GNPDA2: variants seen among roughly 807,000 people sequenced by gnomAD.
The protein encoded by GNPDA2 is glucosamine-6-phosphate deaminase 2, also known as glcN6P deaminase 2.
Under a neutral mutation model 27.0 loss-of-function variants are expected in GNPDA2, and 24 were observed. That is an observed-to-expected ratio of 0.89 (90% CI 0.64 to 1.25). GNPDA2 has a LOEUF of 1.25. GNPDA2 is among the 50% of genes most tolerant of loss of function. The probability of loss-of-function intolerance (pLI) is 0.00; values close to 1 mark genes in which losing one functional copy is unlikely to be tolerated. For synonymous variants in GNPDA2, 94 were observed against 108.4 expected, an observed-to-expected ratio of 0.87 and a Z score of 0.83; for missense variants, 286 against 335.1, an observed-to-expected ratio of 0.85 and a Z score of 1.14.
Position 44,703,458 on chromosome 4 carries a change from T to C in GNPDA2, c.770-316A>G, listed in dbSNP as rs1259778580. The C allele has an allele frequency of 1.3e-5, 14 of 1,066,426 alleles. No homozygotes were observed. In the East Asian group the frequency reaches 8.4e-4, roughly 64 times the overall value. The allele number at this position is 1,066,426 out of a possible 1,614,324, so 66.1% of individuals were successfully genotyped here. A position where few individuals can be genotyped will look rare whatever the true frequency, so the allele number is the denominator to read the frequency against. ...CAAATTTGAATACTGACTTAGATAA[T>C]AGGTTTTAATTATATCTAAAAGTCT... On this transcript the variant is annotated intron_variant, in intron 6 of 6. Transcript: ENST00000295448.
chr4:44,702,360 G>GC lies in GNPDA2; in HGVS notation c.*720dup. 5 of 907,264 alleles carry GC rather than the reference G, an allele frequency of 5.5e-6. No individual in the cohort carries two copies. Among genetic ancestry groups the GC allele is most frequent in the Non-Finnish European group, 6.6e-6 (5 of 758,860 alleles). 56.2% of individuals were successfully genotyped at this position (907,264 alleles called of 1,614,324 possible). On this transcript the variant is annotated 3_prime_UTR_variant, in exon 7 of 7. Coordinates refer to ENST00000295448, the MANE Select transcript of GNPDA2 (RefSeq NM_138335.3). The stretch of plus-strand genomic sequence containing the variant: ...CCAAAAGAATTTCCTGAAGTGGCTT[G>GC]CTAGGTATAAAGCTCATAATTGTCA...
At position 44,702,853 on chromosome 4, in the gene GNPDA2, G is replaced by A. The variant is rs761529426; in HGVS notation, c.*228C>T. The A allele has an allele frequency of 1.4e-5, 19 of 1,372,120 alleles. No homozygotes were observed. Among genetic ancestry groups the A allele is most frequent in the Non-Finnish European group, 1.7e-5 (18 of 1,069,662 alleles). 85.0% of individuals were successfully genotyped at this position (1,372,120 alleles called of 1,614,324 possible). ...TTTTATAGGTGGCTATGTGACTTCA[G>A]TACTTTATAATAAATAGCCAGTCAA... On this transcript the variant is annotated 3_prime_UTR_variant, in exon 7 of 7. Transcript: ENST00000295448.
At chr4:44,707,245 A>G (rs1016915729) in intron 6 of GNPDA2, 1 of 153,552 alleles carries the variant, frequency 6.5e-6, no homozygotes, top group African/African-American at 2.4e-5. Context: ...TGCAGAGTTT[A>G]TTCCATACTA....
intron 2 of GNPDA2, among the ~76,000 whole-genome samples, chr4:44,721,341 G>T (rs1298772530): frequency 6.6e-6 from 1 of 152,118 alleles, no homozygotes; most frequent in East Asian, 1.9e-4. Context: ...AGCATCTTAA[G>T]TTATTATCCT....
intron 1 of GNPDA2, among the ~76,000 whole-genome samples, chr4:44,725,249 T>C (rs1034407393): frequency 3.3e-5 from 5 of 152,182 alleles, no homozygotes; most frequent in Non-Finnish European, 5.9e-5. Flanking sequence ...TCACTCTTCA[T>C]ATACAGAAAA....
intron 2 of GNPDA2, among the ~76,000 whole-genome samples, chr4:44,720,036 G>A (rs746689094): frequency 5.3e-5 from 8 of 152,006 alleles, no homozygotes; most frequent in Non-Finnish European, 8.8e-5. Context: ...ACAATCTTGC[G>A]AGTTGGAAGA....
chr4:44,705,482 C>T, intron 6 of GNPDA2: 2 of 985,124 alleles, frequency 2.0e-6, no homozygotes, highest in Non-Finnish European at 2.4e-6. Context: ...GCTATCCTCT[C>T]ACGAATGGTC....
chr4:44,721,511 G>A (rs559716302), intron 2 of GNPDA2, among the ~76,000 whole-genome samples: 13 of 152,106 alleles, frequency 8.5e-5, no homozygotes, highest in African/African-American at 2.9e-4. Context: ...CGTTTTTTAA[G>A]AGAATGCTTA....
At chr4:44,705,596 G>A (rs1716550041) in intron 6 of GNPDA2, 14 of 389,388 alleles carry the variant, frequency 3.6e-5, no homozygotes, top group Non-Finnish European at 4.9e-5. Context: ...AACATATGTC[G>A]ATATACCTTT....
intron 6 of GNPDA2, chr4:44,706,926 G>A (rs1716642804): frequency 6.6e-6 from 1 of 151,976 alleles, no homozygotes; most frequent in Admixed American, 6.6e-5. Context: ...GTGAATCACT[G>A]ACCTATCTAT....
intron 2 of GNPDA2, 72 bp from the exon 3 acceptor site, chr4:44,718,482 C>T (rs1333106414): frequency 2.2e-6 from 1 of 454,722 alleles, no homozygotes; most frequent in Non-Finnish European, 3.9e-6. Flanking sequence ...ATTAACTTTA[C>T]CTGTGTTTTT....
At position 44,721,184 on chromosome 4, in the gene GNPDA2, C is replaced by T. The variant is rs184422807; in HGVS notation, c.124+900G>A. Among the ~76,000 whole-genome samples, 124 of 152,122 alleles carry T rather than the reference C, an allele frequency of 8.2e-4. 1 individual carries two copies. The highest frequency in any genetic ancestry group is 1.4e-3 in the Non-Finnish European group (92 of 67,968). ...AAATTACTCAAGTGGGAAAAAATTA[C>T]AATTGTAGTTTTTATGTAATTACCA... On this transcript the variant is annotated intron_variant, in intron 2 of 6. Coordinates refer to ENST00000295448, the MANE Select transcript of GNPDA2 (RefSeq NM_138335.3).
intron 6 of GNPDA2, chr4:44,704,682 A>G: frequency 2.1e-6 from 2 of 954,926 alleles, no homozygotes; most frequent in Non-Finnish European, 2.5e-6. Context: ...TAAGTCAAAC[A>G]GAAATAATTC....
At position 44,722,086 on chromosome 4, in the gene GNPDA2, G is replaced by C; in HGVS notation, c.122C>G (p.Thr41Arg). Residue 41 changes from threonine to arginine, a missense_variant and splice_region_variant, in exon 2 of 7, where the codon ACA becomes AGA. Physicochemically the swap from Thr to Arg is moderately conservative, Grantham distance 71 (BLOSUM62 -1). Coordinates refer to ENST00000295448, the MANE Select transcript of GNPDA2 (RefSeq NM_138335.3). ...AAATGGAAAAAGTAGTTAATTACCTGTTGGTAAACCCAGTGTAAAATATCT... is the reference window on the plus strand; with the variant it reads ...AAATGGAAAAAGTAGTTAATTACCTCTTGGTAAACCCAGTGTAAAATATCT... ...QDRYFTLGLPTGSTPLGCYKK... is the reference protein window; with the variant it reads ...QDRYFTLGLPRGSTPLGCYKK... 1 of 1,603,268 alleles carries C rather than the reference G, an allele frequency of 6.2e-7. No individual in the cohort carries two copies. Among genetic ancestry groups the C allele is most frequent in the Non-Finnish European group, 8.5e-7 (1 of 1,173,084 alleles).
chr4:44,725,846 T>C (rs1255068063), intron 1 of GNPDA2, among the ~76,000 whole-genome samples: 1 of 152,146 alleles, frequency 6.6e-6, no homozygotes, highest in Non-Finnish European at 1.5e-5. Context: ...TGGATGTGCA[T>C]CGCTAGGAAA....
At chr4:44,721,448 G>A (rs576621330) in intron 2 of GNPDA2, among the ~76,000 whole-genome samples, 1 of 152,194 alleles carries the variant, frequency 6.6e-6, no homozygotes, top group South Asian at 2.1e-4. Flanking sequence ...CTAACACTCT[G>A]TGAAAATCAT....
intron 2 of GNPDA2, among the ~76,000 whole-genome samples, chr4:44,719,563 A>G (rs957904887): frequency 6.6e-6 from 1 of 152,080 alleles, no homozygotes. Flanking sequence ...TACGTTTCTC[A>G]ACAACTATAG....
chr4:44,705,260 A>G (rs1178756594), intron 6 of GNPDA2: 1 of 981,826 alleles, frequency 1.0e-6, no homozygotes, highest in Non-Finnish European at 1.2e-6. Flanking sequence ...TGAAAAGTAT[A>G]CAAACTACAT....
chr4:44,715,682 C>T, intron 4 of GNPDA2, among the ~76,000 whole-genome samples: 1 of 152,020 alleles, frequency 6.6e-6, no homozygotes, highest in Non-Finnish European at 1.5e-5. Context: ...CAGGAGTATG[C>T]AAATGTTCTC....
Sources: allele counts gnomAD v4.1 joint callset (sites outside exome capture counted in the v4.1 genomes callset), GRCh38; gene constraint gnomAD v4.1.1; transcripts MANE v1.5; gene names NCBI Gene and HGNC (gene_info 2026-07-23, HGNC 2026-07-21).